The following SPOCK3 variants were observed in gnomAD, a reference collection of about 807,000 sequenced individuals.
SPOCK3 encodes SPARC (osteonectin), cwcv and kazal like domains proteoglycan 3, also known as testican-3.
In SPOCK3, 30 loss-of-function variants were observed where a neutral mutation model predicts 56.6. The observed-to-expected ratio is 0.53, with a 90% CI of 0.40 to 0.72. The LOEUF (loss-of-function observed/expected upper bound fraction) is 0.72, where lower values mean the gene tolerates loss of function less well. SPOCK3 is among the 30% of genes least tolerant of loss of function. SPOCK3 has a pLI of 0.00. For missense variants in SPOCK3, 527 were observed against 530.0 expected (o/e 0.99, Z 0.06); for synonymous variants, 196 against 183.3 (o/e 1.07, Z -0.56).
intron 2 of SPOCK3, among the ~76,000 whole-genome samples, chr4:167,138,113 T>A (rs1763264664): frequency 1.3e-5 from 2 of 151,790 alleles, no homozygotes; most frequent in Non-Finnish European, 3.0e-5. Flanking sequence ...AAAAAGTCAC[T>A]TTTTATTGAG....
At chr4:166,742,227 T>TATC (rs369854664) in intron 8 of SPOCK3, among the ~76,000 whole-genome samples, 168 bp from the exon 9 acceptor site, 10,359 of 90,180 alleles carry the variant, frequency 0.11, 452 homozygotes, top group South Asian at 0.2. Flanking sequence ...TACATGTGTC[T>TATC]ATCTATCATC....
intron 6 of SPOCK3, among the ~76,000 whole-genome samples, chr4:166,846,531 G>A (rs1308834653): frequency 1.3e-5 from 2 of 152,014 alleles, no homozygotes; most frequent in Non-Finnish European, 1.5e-5. Context: ...GATGTCTAAT[G>A]TTTAATATTT....
intron 2 of SPOCK3, among the ~76,000 whole-genome samples, chr4:167,106,739 C>T (rs1173245701): frequency 7.6e-6 from 1 of 132,370 alleles, no homozygotes; most frequent in African/African-American, 2.7e-5. Flanking sequence ...ATAAAATTGA[C>T]AAACCTTTAG....
intron 5 of SPOCK3, among the ~76,000 whole-genome samples, chr4:166,910,934 G>A (rs1285757804): frequency 2.6e-5 from 4 of 152,122 alleles, no homozygotes; most frequent in Non-Finnish European, 5.9e-5. Context: ...CTATCAGTTT[G>A]AATATTACAA....
chr4:166,772,502 T>G (rs1739062986), intron 7 of SPOCK3, among the ~76,000 whole-genome samples: 1 of 152,154 alleles, frequency 6.6e-6, no homozygotes, highest in South Asian at 2.1e-4. Context: ...ATATGAAATA[T>G]TATCTAATAG....
intron 2 of SPOCK3, among the ~76,000 whole-genome samples, chr4:167,091,762 T>C (rs1758721176): frequency 6.6e-6 from 1 of 152,154 alleles, no homozygotes; most frequent in African/African-American, 2.4e-5. Flanking sequence ...AAAATCCCCA[T>C]GAATCATTTC....
chr4:166,809,007 A>C (rs539510793), intron 6 of SPOCK3, among the ~76,000 whole-genome samples: 6 of 152,206 alleles, frequency 3.9e-5, no homozygotes, highest in Non-Finnish European at 8.8e-5. Flanking sequence ...TTTGCTTCTT[A>C]CACATCTTTG....
intron 4 of SPOCK3, among the ~76,000 whole-genome samples, chr4:166,955,713 T>C (rs1481908222): frequency 6.7e-6 from 1 of 149,578 alleles, no homozygotes; most frequent in Non-Finnish European, 1.5e-5. Context: ...TACAAATATA[T>C]AATTTATAAC....
At chr4:167,039,907 C>A (rs1438986512) in intron 3 of SPOCK3, among the ~76,000 whole-genome samples, 1 of 152,146 alleles carries the variant, frequency 6.6e-6, no homozygotes, top group African/African-American at 2.4e-5. Context: ...TCCTCTTCCT[C>A]TACCTTTTTA....
intron 3 of SPOCK3, among the ~76,000 whole-genome samples, chr4:167,062,072 A>T (rs1184853341): frequency 1.3e-5 from 2 of 151,868 alleles, no homozygotes; most frequent in African/African-American, 4.8e-5. Context: ...AGCTGAGTCT[A>T]ATTACTAATT....
At position 167,062,546 on chromosome 4, in the gene SPOCK3, G is replaced by A. The variant is rs1020504402; in HGVS notation, c.190-9C>T. ...GTGCGGAAATAATCATCCTAAGGGG[G>A]AAAATAATGTGAATTGAGTGTATAC... On this transcript the variant is annotated splice_polypyrimidine_tract_variant and intron_variant, in intron 2 of 10. Coordinates refer to ENST00000357545, the MANE Select transcript of SPOCK3 (RefSeq NM_001040159.2). The A allele has an allele frequency of 6.3e-7, 1 of 1,599,290 alleles. No homozygotes were observed. Among genetic ancestry groups the A allele is most frequent in the Admixed American group, 1.7e-5 (1 of 59,582 alleles).
intron 7 of SPOCK3, 90 bp downstream of exon 7, chr4:166,792,080 T>C: frequency 6.9e-7 from 1 of 1,442,794 alleles, no homozygotes; most frequent in Non-Finnish European, 9.7e-7. Context: ...AGTGAATAAA[T>C]ACTGAAATAT....
chr4:167,037,348 G>A (rs1053954530), intron 3 of SPOCK3, among the ~76,000 whole-genome samples: 1 of 152,042 alleles, frequency 6.6e-6, no homozygotes, highest in African/African-American at 2.4e-5. Flanking sequence ...CCGGCGTGGT[G>A]GGGTGTGCCT....
chr4:166,788,836 AAATT>A (rs1741021148), intron 7 of SPOCK3, among the ~76,000 whole-genome samples: 1 of 151,960 alleles, frequency 6.6e-6, no homozygotes, highest in African/African-American at 2.4e-5. Flanking sequence ...TAAAATGTAA[AAATT>A]ATAAAAGATT....
chr4:166,778,761 TAATA>T (rs1423840134), intron 7 of SPOCK3, among the ~76,000 whole-genome samples: 5 of 151,988 alleles, frequency 3.3e-5, no homozygotes, highest in African/African-American at 9.7e-5. Context: ...TATGAAGAGT[TAATA>T]GAGTAGGCAG....
chr4:167,106,843 T>A (rs1760205489), intron 2 of SPOCK3, among the ~76,000 whole-genome samples: 1 of 150,446 alleles, frequency 6.6e-6, no homozygotes, highest in African/African-American at 2.4e-5. Flanking sequence ...CCACAGAAAT[T>A]GAAAGGATCA....
intron 4 of SPOCK3, among the ~76,000 whole-genome samples, chr4:166,924,477 A>G (rs1469880139): frequency 6.6e-6 from 1 of 152,236 alleles, no homozygotes; most frequent in East Asian, 1.9e-4. Flanking sequence ...AACAAGATCC[A>G]TTTAATCTAC....
At chr4:166,793,915 G>T (rs1021230338) in intron 6 of SPOCK3, among the ~76,000 whole-genome samples, 5 of 152,058 alleles carry the variant, frequency 3.3e-5, no homozygotes, top group African/African-American at 1.2e-4. Flanking sequence ...AGTACAATAT[G>T]TGATACACCA....
intron 6 of SPOCK3, among the ~76,000 whole-genome samples, chr4:166,806,218 T>C (rs1743151474): frequency 6.6e-6 from 1 of 152,040 alleles, no homozygotes; most frequent in Non-Finnish European, 1.5e-5. Flanking sequence ...GATTAGAAAA[T>C]GTTATTTATT....
Sources: gnomAD v4.1 joint callset for allele counts (sites outside exome capture counted in the v4.1 genomes callset) on GRCh38, gnomAD v4.1.1 for gene constraint, MANE v1.5 for transcripts, NCBI Gene and HGNC (gene_info 2026-07-23, HGNC 2026-07-21) for gene names.